The following ALK variants were observed in gnomAD, a reference collection of about 807,000 sequenced individuals.
ALK encodes ALK receptor tyrosine kinase.
ALK carries 74 observed loss-of-function variants against 163.1 expected under a neutral mutation model. The ratio of observed to expected loss-of-function variants is 0.45; its 90% confidence interval spans 0.38 to 0.55. ALK has a LOEUF of 0.55. Ranked by LOEUF, ALK falls within the 20% of genes least tolerant of loss-of-function variation. The pLI is 0.00. For missense variants in ALK, 2,063 were observed against 2,105.3 expected, an observed-to-expected ratio of 0.98 and a Z score of 0.39; for synonymous variants, 960 against 843.2, an observed-to-expected ratio of 1.14 and a Z score of -2.40.
chr2:29,848,183 C>A (rs1286409202), intron 1 of ALK, among the ~76,000 whole-genome samples: 1 of 152,066 alleles, frequency 6.6e-6, no homozygotes, highest in African/African-American at 2.4e-5. Context: ...CTTTTCTTCC[C>A]AACCACCTAA....
At chr2:29,197,745 G>T in intron 26 of ALK, 69 bp from the exon 27 acceptor site, 2 of 1,239,170 alleles carry the variant, frequency 1.6e-6, no homozygotes, top group South Asian at 1.2e-5. Flanking sequence ...ACACACACAG[G>T]CACACAGACA....
At chr2:29,711,471 C>T (rs1443662348) in intron 2 of ALK, among the ~76,000 whole-genome samples, 1 of 152,214 alleles carries the variant, frequency 6.6e-6, no homozygotes, top group Non-Finnish European at 1.5e-5. Flanking sequence ...TCCCCCAGAG[C>T]TCCTTGAGGG....
intron 8 of ALK, among the ~76,000 whole-genome samples, chr2:29,316,947 A>G (rs1481757964): frequency 1.3e-5 from 2 of 152,204 alleles, no homozygotes; most frequent in East Asian, 1.9e-4. Flanking sequence ...TGCATATCAC[A>G]AAGTCCCATT....
intron 3 of ALK, among the ~76,000 whole-genome samples, chr2:29,555,980 A>G (rs901858983): frequency 2.0e-5 from 3 of 152,260 alleles, no homozygotes; most frequent in Admixed American, 1.3e-4. Context: ...GAAACAATCT[A>G]AAATGCCAGG....
Position 29,559,338 on chromosome 2 carries a change from G to GGATCT in ALK, c.953-27227_953-27223dup, listed in dbSNP as rs543311991. Among the ~76,000 whole-genome samples the GGATCT allele has an allele frequency of 1.3e-3, 198 of 152,288 alleles. 1 individual carries two copies. The highest frequency in any genetic ancestry group is 3.4e-3 in the Middle Eastern group (1 of 294). Reference sequence around the variant, plus strand: ...GAGAGCCAAGAGACCAAGCATCTTGGGATCTGAGTAGGACTGATTAAATAG... The same window carrying GGATCT: ...GAGAGCCAAGAGACCAAGCATCTTGGGATCTGATCTGAGTAGGACTGATTAAATAG... On this transcript the variant is annotated intron_variant, in intron 3 of 28. Transcript: ENST00000389048.
chr2:29,889,616 C>A lies in ALK; in HGVS notation c.667+30377G>T, dbSNP rs183548887. Among the ~76,000 whole-genome samples, 4 of 151,856 alleles carry A rather than the reference C, an allele frequency of 2.6e-5. No homozygotes were observed. The South Asian group carries it at 6.3e-4, about 24-fold the overall frequency. On this transcript the variant is annotated intron_variant, in intron 1 of 28. Coordinates refer to ENST00000389048, the MANE Select transcript of ALK (RefSeq NM_004304.5). Reference sequence around the variant, plus strand: ...GAGAGACAGCAGGGGAAAACACCCACTTCCTGGGTCTGGCCATGCACAGAC... The same window carrying A: ...GAGAGACAGCAGGGGAAAACACCCAATTCCTGGGTCTGGCCATGCACAGAC...
rs4665446 is a variant in ALK at position 29,220,507 on chromosome 2, G to A, written c.3645+199C>T. On this transcript the variant is annotated intron_variant, in intron 23 of 28. Coordinates refer to ENST00000389048, the MANE Select transcript of ALK (RefSeq NM_004304.5). ...GCAGGAGCCTTGCACAAGCTCCTTG[G>A]GGCTGGGGCTCAGCCATCATCTACC... is the stretch of plus-strand genomic sequence containing the variant. Among the ~76,000 whole-genome samples the A allele has an allele frequency of 0.28, 42,130 of 151,992 alleles. 7,033 individuals are homozygous for A. The highest frequency in any genetic ancestry group is 0.73 in the East Asian group (3,753 of 5,156).
intron 1 of ALK, chr2:29,891,063 G>C (rs565177886): frequency 6.6e-6 from 1 of 152,296 alleles, no homozygotes; most frequent in East Asian, 1.9e-4. Flanking sequence ...AGGGGGTTTT[G>C]TGAGGATTAA....
At chr2:29,465,629 G>A (rs1421220854) in intron 4 of ALK, among the ~76,000 whole-genome samples, 2 of 152,094 alleles carry the variant, frequency 1.3e-5, no homozygotes, top group Non-Finnish European at 2.9e-5. Context: ...GGGAGGTGGA[G>A]GTTGCAGTGA....
chr2:29,195,883 G>A (rs1012901229), intron 28 of ALK, among the ~76,000 whole-genome samples: 8 of 152,256 alleles, frequency 5.3e-5, no homozygotes, highest in Non-Finnish European at 1.2e-4. Context: ...CTGAGCAGGC[G>A]ATTGGTGATA....
intron 1 of ALK, among the ~76,000 whole-genome samples, chr2:29,807,865 T>C (rs1334169076): frequency 1.3e-5 from 2 of 152,298 alleles, no homozygotes; most frequent in Admixed American, 6.5e-5. Flanking sequence ...TTAGATCACA[T>C]TGTGAGAAGG....
At chr2:29,340,864 T>C (rs1573254556) in intron 5 of ALK, among the ~76,000 whole-genome samples, 3 of 152,308 alleles carry the variant, frequency 2.0e-5, no homozygotes, top group Admixed American at 2.0e-4. Flanking sequence ...CTAATCCAAA[T>C]CACAGATACA....
chr2:29,258,157 C>T (rs1664995314), intron 11 of ALK, among the ~76,000 whole-genome samples: 2 of 152,300 alleles, frequency 1.3e-5, no homozygotes, highest in South Asian at 4.1e-4. Flanking sequence ...TTTGAAGAAA[C>T]TGGGCTATTT....
chr2:29,730,964 A>C (rs1679726849), intron 1 of ALK, among the ~76,000 whole-genome samples: 1 of 152,180 alleles, frequency 6.6e-6, no homozygotes, highest in Non-Finnish European at 1.5e-5. Flanking sequence ...ACATGTCTAC[A>C]TGACAATAGA....
intron 5 of ALK, among the ~76,000 whole-genome samples, chr2:29,346,297 A>G (rs948883426): frequency 6.6e-6 from 1 of 152,144 alleles, no homozygotes; most frequent in Non-Finnish European, 1.5e-5. Context: ...TTCAGAGGGG[A>G]AAAAAAGATC....
intron 3 of ALK, among the ~76,000 whole-genome samples, chr2:29,546,477 A>T (rs1435602091): frequency 6.6e-6 from 1 of 152,234 alleles, no homozygotes; most frequent in East Asian, 1.9e-4. Context: ...TAAAGAATTG[A>T]TTTAATTCAA....
intron 5 of ALK, among the ~76,000 whole-genome samples, chr2:29,366,085 A>G (rs2148289841): frequency 6.6e-6 from 1 of 152,304 alleles, no homozygotes; most frequent in African/African-American, 2.4e-5. Flanking sequence ...GATATGGACT[A>G]TTTGAGAGTG....
At chr2:29,367,240 G>T (rs950769554) in intron 5 of ALK, among the ~76,000 whole-genome samples, 4 of 152,102 alleles carry the variant, frequency 2.6e-5, no homozygotes, top group East Asian at 3.8e-4. Flanking sequence ...TCGGGACAAA[G>T]GTTCCAGTGT....
chr2:29,335,112 T>C (rs1380772039), intron 5 of ALK, among the ~76,000 whole-genome samples: 1 of 152,144 alleles, frequency 6.6e-6, no homozygotes, highest in African/African-American at 2.4e-5. Flanking sequence ...CTGTTTCCCA[T>C]TGACACTTCT....
Sources: allele counts gnomAD v4.1 joint callset (sites outside exome capture counted in the v4.1 genomes callset), GRCh38; gene constraint gnomAD v4.1.1; transcripts MANE v1.5; gene names NCBI Gene and HGNC (gene_info 2026-07-23, HGNC 2026-07-21).